Variants in PEAK1 observed in about 807,000 individuals in gnomAD.
PEAK1 encodes the protein pseudopodium enriched atypical kinase 1.
A neutral mutation model predicts 124.7 loss-of-function variants in PEAK1; 54 were observed. That is an observed-to-expected ratio of 0.43 (90% CI 0.35 to 0.54). The LOEUF (loss-of-function observed/expected upper bound fraction) is 0.54, where lower values mean the gene tolerates loss of function less well. PEAK1 is among the 20% of genes least tolerant of loss of function. The pLI, the probability that PEAK1 is intolerant of heterozygous loss-of-function variation, is 0.01. For synonymous variants in PEAK1, 719 were observed against 760.0 expected (o/e 0.95, Z 0.89); for missense variants, 2,046 against 2,134.5 (o/e 0.96, Z 0.82).
At chr15:77,215,490 G>A (rs1008696070) in intron 6 of PEAK1, among the ~76,000 whole-genome samples, 4 of 152,182 alleles carry the variant, frequency 2.6e-5, no homozygotes, top group East Asian at 1.9e-4. Context: ...GCACACTCTC[G>A]TATACTTTAA....
intron 7 of PEAK1, among the ~76,000 whole-genome samples, chr15:77,162,607 C>A (rs1426123283): frequency 1.2e-5 from 1 of 82,594 alleles, no homozygotes; most frequent in African/African-American, 3.5e-5. Flanking sequence ...AGCTTTATCT[C>A]CTAACAAATG....
chr15:77,330,540 C>T (rs539786096), intron 2 of PEAK1, among the ~76,000 whole-genome samples: 6 of 152,172 alleles, frequency 3.9e-5, no homozygotes, highest in Admixed American at 1.3e-4. Context: ...CTTCTCTCAC[C>T]CTGTTTCCCA....
intron 2 of PEAK1, among the ~76,000 whole-genome samples, chr15:77,321,572 G>A (rs1233972740): frequency 1.3e-5 from 2 of 152,144 alleles, no homozygotes; most frequent in Non-Finnish European, 2.9e-5. Flanking sequence ...TGTCAGATGA[G>A]TAGATTGCAA....
chr15:77,193,860 T>A (rs1208982748), intron 6 of PEAK1, among the ~76,000 whole-genome samples: 1 of 137,774 alleles, frequency 7.3e-6, no homozygotes. Flanking sequence ...ACTAAACTAA[T>A]CTAACTCTCT....
chr15:77,214,492 C>T (rs1439322097), intron 6 of PEAK1, among the ~76,000 whole-genome samples: 6 of 150,802 alleles, frequency 4.0e-5, no homozygotes, highest in East Asian at 1.9e-4. Flanking sequence ...GGCATGGTGG[C>T]GGGCGCCTGT....
intron 5 of PEAK1, among the ~76,000 whole-genome samples, chr15:77,277,748 A>C (rs1004227051): frequency 6.6e-6 from 1 of 152,192 alleles, no homozygotes; most frequent in Non-Finnish European, 1.5e-5. Flanking sequence ...TTAAGAAACC[A>C]ATCTGAAAAG....
intron 8 of PEAK1, among the ~76,000 whole-genome samples, chr15:77,144,593 C>T (rs942991339): frequency 2.6e-5 from 4 of 152,196 alleles, no homozygotes; most frequent in Admixed American, 1.3e-4. Flanking sequence ...TGGAAATGGA[C>T]AGCCAAGGTA....
At chr15:77,105,683 G>A (rs888856110), downstream of PEAK1, 9 of 152,330 alleles carry the variant, frequency 5.9e-5, no homozygotes, top group African/African-American at 2.2e-4. Context: ...TTGGAGAGGA[G>A]GCAAAGAGTT....
In PEAK1 at chr15:77,298,156, A is replaced by G. The variant is rs1187376467; in HGVS notation, c.-602-11652T>C. 7.9e-4 allele frequency among the ~76,000 whole-genome samples: 14 copies of G among 17,708 alleles called. No homozygotes were observed. In the South Asian group the frequency reaches 9.4e-3, roughly 12 times the overall value. 11.6% of individuals were successfully genotyped at this position (17,708 alleles called of 152,430 possible). ...TGCCCTCTGATCTTTATTATTAATG[A>G]AAAAAAAAAGTCCTATAGCTTCTTT... On this transcript the variant is annotated intron_variant, in intron 2 of 9. Coordinates refer to ENST00000682557, the MANE Select transcript of PEAK1 (RefSeq NM_001385026.1).
rs554841645 is a variant in PEAK1 at position 77,240,587 on chromosome 15, C to A, written c.-115+11780G>T. Among the ~76,000 whole-genome samples, 4 of 151,574 alleles carry A rather than the reference C, an allele frequency of 2.6e-5. No homozygotes were observed. In the South Asian group the frequency reaches 8.3e-4, roughly 32 times the overall value. On this transcript the variant is annotated intron_variant, in intron 6 of 9. Transcript: ENST00000682557. ...CGTGAGCCTGGGCAATAGAGTGAGA[C>A]CCTGTCTCAAAAAAAAAAAGCTTAT...
At chr15:77,373,187 A>C (rs1347829591) in intron 1 of PEAK1, among the ~76,000 whole-genome samples, 1 of 152,170 alleles carries the variant, frequency 6.6e-6, no homozygotes. Flanking sequence ...TGATCTCTGA[A>C]TCCACTATGC....
chr15:77,163,498 T>C (rs968538676), intron 7 of PEAK1, among the ~76,000 whole-genome samples: 1 of 152,232 alleles, frequency 6.6e-6, no homozygotes, highest in Admixed American at 6.5e-5. Context: ...AGATTAATCA[T>C]TACACCATCT....
rs879368742 is a variant in PEAK1, at chr15:77,108,474, C to T, written c.*5682G>A. ...ATTTGCCTCATGCCAAAATGCCCTGCATATCCTCAACAGAAAATCCCAACC... is the reference window on the plus strand; with the variant it reads ...ATTTGCCTCATGCCAAAATGCCCTGTATATCCTCAACAGAAAATCCCAACC... On this transcript the variant is annotated 3_prime_UTR_variant, in exon 10 of 10. Transcript: ENST00000682557. The T allele has an allele frequency of 5.3e-5, 8 of 152,188 alleles. No individual in the cohort carries two copies. The highest frequency in any genetic ancestry group is 3.9e-4 in the Admixed American group (6 of 15,280). 9.4% of individuals were successfully genotyped at this position (152,188 alleles called of 1,614,324 possible). A position where few individuals can be genotyped will look rare whatever the true frequency, so the allele number is the denominator to read the frequency against.
chr15:77,403,050 C>A (rs2071508906), intron 1 of PEAK1: 4 of 985,202 alleles, frequency 4.1e-6, no homozygotes, highest in Non-Finnish European at 4.8e-6. Flanking sequence ...CATCCCATTG[C>A]AGAAGAAAAA....
At chr15:77,167,819 T>A (rs1332221717) in intron 7 of PEAK1, among the ~76,000 whole-genome samples, 1 of 152,192 alleles carries the variant, frequency 6.6e-6, no homozygotes, top group Non-Finnish European at 1.5e-5. Context: ...ACATGTGCCA[T>A]GTCGGTTTGC....
At chr15:77,238,072 A>G (rs1189510096) in intron 6 of PEAK1, among the ~76,000 whole-genome samples, 1 of 152,044 alleles carries the variant, frequency 6.6e-6, no homozygotes, top group Non-Finnish European at 1.5e-5. Context: ...GCCTTTACTG[A>G]ATTTTCTATG....
At chr15:77,301,030 T>C (rs1038164371) in intron 2 of PEAK1, among the ~76,000 whole-genome samples, 1 of 152,118 alleles carries the variant, frequency 6.6e-6, no homozygotes, top group Non-Finnish European at 1.5e-5. Context: ...TTTTGTATTT[T>C]TTAGTAGAGA....
chr15:77,239,216 T>C (rs1390470079), intron 6 of PEAK1, among the ~76,000 whole-genome samples: 1 of 152,232 alleles, frequency 6.6e-6, no homozygotes, highest in African/African-American at 2.4e-5. Flanking sequence ...TTTTTTACTA[T>C]ACGTTCCCTT....
At chr15:77,159,883 G>C (rs2055478739) in intron 7 of PEAK1, among the ~76,000 whole-genome samples, 1 of 152,134 alleles carries the variant, frequency 6.6e-6, no homozygotes, top group Admixed American at 6.6e-5. Context: ...AATAAGCCTT[G>C]ATGTCTGCTG....
Sources: gnomAD v4.1 joint callset for allele counts (sites outside exome capture counted in the v4.1 genomes callset) on GRCh38, gnomAD v4.1.1 for gene constraint, MANE v1.5 for transcripts, NCBI Gene and HGNC (gene_info 2026-07-23, HGNC 2026-07-21) for gene names.